The following ST3GAL3 variants were observed in gnomAD, a reference collection of about 807,000 sequenced individuals.
The protein encoded by ST3GAL3 is CMP-N-acetylneuraminate-beta-1,4-galactoside alpha-2,3-sialyltransferase.
Under a neutral mutation model 50.1 loss-of-function variants are expected in ST3GAL3, and 21 were observed. That is an observed-to-expected ratio of 0.42 (90% CI 0.30 to 0.60). The LOEUF (loss-of-function observed/expected upper bound fraction) is 0.60, where lower values mean the gene tolerates loss of function less well. ST3GAL3 is among the 20% of genes least tolerant of loss of function. The probability of loss-of-function intolerance (pLI) is 0.19; values close to 1 mark genes in which losing one functional copy is unlikely to be tolerated. For synonymous variants in ST3GAL3, 183 were observed against 190.0 expected, an observed-to-expected ratio of 0.96 and a Z score of 0.30; for missense variants, 353 against 489.4, an observed-to-expected ratio of 0.72 and a Z score of 2.63.
At chr1:43,800,846 G>A (rs907506713) in intron 3 of ST3GAL3, among the ~76,000 whole-genome samples, 1 of 152,124 alleles carries the variant, frequency 6.6e-6, no homozygotes, top group African/African-American at 2.4e-5. Flanking sequence ...CTCCACCCAA[G>A]CCATGGCATA....
At chr1:43,810,007 AAAG>A (rs1432440280) in intron 3 of ST3GAL3, among the ~76,000 whole-genome samples, 5 of 151,074 alleles carry the variant, frequency 3.3e-5, no homozygotes, top group African/African-American at 1.2e-4. Context: ...AAAAAAAAAA[AAAG>A]AAAGAAAGAA....
intron 1 of ST3GAL3, among the ~76,000 whole-genome samples, chr1:43,731,154 C>T (rs1012511299): frequency 6.6e-6 from 1 of 151,954 alleles, no homozygotes; most frequent in African/African-American, 2.4e-5. Flanking sequence ...CTTAGCCTCC[C>T]AATTGGTTGG....
intron 3 of ST3GAL3, among the ~76,000 whole-genome samples, chr1:43,804,789 C>T (rs780321440): frequency 2.0e-5 from 3 of 152,146 alleles, no homozygotes; most frequent in Non-Finnish European, 4.4e-5. Context: ...GCAAGGGAAT[C>T]ACTGCAGTCG....
chr1:43,850,792 T>G lies in ST3GAL3; in HGVS notation c.302+12481T>G, dbSNP rs539924550. ...TGATAAACTTCAAATTCCAGAGTCA[T>G]AGCTTGCTTCAGGGCCACAGCAACC... On this transcript the variant is annotated intron_variant, in intron 5 of 11. Coordinates refer to ENST00000347631, the MANE Select transcript of ST3GAL3 (RefSeq NM_006279.5). 2.3e-5 allele frequency: 21 copies of G among 904,100 alleles called. 1 individual carries two copies. The highest frequency in any genetic ancestry group is 3.7e-5 in the Non-Finnish European group (20 of 536,428). The allele number at this position is 904,100 out of a possible 1,614,324, so 56.0% of individuals were successfully genotyped here. A position where few individuals can be genotyped will look rare whatever the true frequency, so the allele number is the denominator to read the frequency against.
chr1:43,800,547 C>G (rs115609841), intron 3 of ST3GAL3, among the ~76,000 whole-genome samples: 45 of 152,294 alleles, frequency 3.0e-4, no homozygotes, highest in African/African-American at 1.0e-3. Context: ...TTTCTTGTTT[C>G]CTCTGAGAGT....
At chr1:43,838,334 A>T (rs756620111) in intron 5 of ST3GAL3, 23 bp downstream of exon 5, 18 of 1,605,150 alleles carry the variant, frequency 1.1e-5, no homozygotes, top group East Asian at 1.1e-4. Context: ...GTTTCCCTCC[A>T]CTGCCTAGAC....
At chr1:43,913,344 A>G (rs2081257818) in intron 9 of ST3GAL3, 1 of 152,142 alleles carries the variant, frequency 6.6e-6, no homozygotes, top group African/African-American at 2.4e-5. Context: ...TCTAATCCTT[A>G]CAGCTATCTG....
rs757607061 is a variant in ST3GAL3 at position 43,920,396 on chromosome 1, G to T, written c.745-8G>T. ...CCTCGTTGAGGCCCGCTTTTGCTGT[G>T]TCCACAGAGTGCATCGGATGGCTTC... On this transcript the variant is annotated splice_region_variant and splice_polypyrimidine_tract_variant and intron_variant, in intron 9 of 11. Coordinates refer to ENST00000347631, the MANE Select transcript of ST3GAL3 (RefSeq NM_006279.5). 6.2e-7 allele frequency: 1 copy of T among 1,614,072 alleles called. No homozygotes were observed. Among genetic ancestry groups the T allele is most frequent in the Non-Finnish European group, 8.5e-7 (1 of 1,180,030 alleles).
intron 5 of ST3GAL3, among the ~76,000 whole-genome samples, chr1:43,887,536 G>C (rs2076151736): frequency 6.6e-6 from 1 of 152,212 alleles, no homozygotes; most frequent in Admixed American, 6.5e-5. Context: ...AAGAGTTTCA[G>C]AATGTGGCTG....
At chr1:43,830,687 C>T (rs1277592118) in intron 4 of ST3GAL3, among the ~76,000 whole-genome samples, 2 of 152,214 alleles carry the variant, frequency 1.3e-5, no homozygotes, top group Non-Finnish European at 2.9e-5. Context: ...AGCCCTTCCA[C>T]TGGGCTCACA....
chr1:43,904,429 C>T (rs1433239950), intron 9 of ST3GAL3, among the ~76,000 whole-genome samples: 5 of 152,016 alleles, frequency 3.3e-5, no homozygotes, highest in South Asian at 2.1e-4. Flanking sequence ...ACCAGCTCTT[C>T]GAGGATTCTC....
chr1:43,717,532 T>C (rs1424133297), intron 1 of ST3GAL3, among the ~76,000 whole-genome samples: 1 of 151,304 alleles, frequency 6.6e-6, no homozygotes, highest in African/African-American at 2.4e-5. Context: ...GGGGCCTTGC[T>C]CTGTTGCTTA....
intron 1 of ST3GAL3, chr1:43,709,342 T>A (rs771257944): frequency 1.1e-4 from 16 of 152,344 alleles, no homozygotes; most frequent in Non-Finnish European, 2.1e-4. Flanking sequence ...AAGCTGTAGC[T>A]AACTATCAGG....
intron 5 of ST3GAL3, among the ~76,000 whole-genome samples, chr1:43,862,501 A>G (rs1160736989): frequency 6.6e-6 from 1 of 152,078 alleles, no homozygotes; most frequent in Non-Finnish European, 1.5e-5. Flanking sequence ...GGGGAGGGAA[A>G]TGGAAGCGGC....
chr1:43,821,395 GT>G (rs1467926185), intron 4 of ST3GAL3, among the ~76,000 whole-genome samples: 2 of 152,036 alleles, frequency 1.3e-5, no homozygotes, highest in Non-Finnish European at 2.9e-5. Flanking sequence ...TAAAAATGGC[GT>G]TTTCCCGAGA....
Position 43,858,341 on chromosome 1 carries a change from G to A in ST3GAL3, c.302+20030G>A, listed in dbSNP as rs913541573. ...TTCGGCAGCAAGACCAGACACACTG[G>A]TGGGGGCAGCTTCCTCCTTTGCAGA... On this transcript the variant is annotated intron_variant, in intron 5 of 11. Transcript: ENST00000347631. 6 of 1,242,962 alleles carry A rather than the reference G, an allele frequency of 4.8e-6. No individual in the cohort carries two copies. In the African/African-American group the frequency reaches 7.7e-5, roughly 16 times the overall value. 77.0% of individuals were successfully genotyped at this position (1,242,962 alleles called of 1,614,324 possible).
At chr1:43,897,500 C>G in intron 6 of ST3GAL3, among the ~76,000 whole-genome samples, 1 of 152,174 alleles carries the variant, frequency 6.6e-6, no homozygotes, top group Non-Finnish European at 1.5e-5. Context: ...TTATAGTGCT[C>G]TCATGATACC....
rs562318891 is a variant in ST3GAL3, at chr1:43,800,900, T to C, written c.166+8751T>C. ...TACCCCATGACTTTTTTTTAGAGAT[T>C]GTACAGTGACATTTCTTAAGAAATG... On this transcript the variant is annotated intron_variant, in intron 3 of 11. Transcript: ENST00000347631. 2.0e-5 allele frequency among the ~76,000 whole-genome samples: 3 copies of C among 152,302 alleles called. No homozygotes were observed. The East Asian group carries it at 5.8e-4, about 29-fold the overall frequency.
Position 43,814,894 on chromosome 1 carries a change from A to G in ST3GAL3, c.170A>G (p.Tyr57Cys). 6.2e-7 allele frequency: 1 copy of G among 1,614,102 alleles called. No individual in the cohort carries two copies. The highest frequency in any genetic ancestry group is 1.1e-5 in the South Asian group (1 of 91,080). The stretch of plus-strand genomic sequence containing the variant: ...ATTTTCTGCTTTTCTTTTTCAGAGT[A>G]TGATCGGTTGGGCTTCCTCCTGAAT... ...DSAGQTLGSE[Y>C]DRLGFLLNLD... Residue 57 changes from tyrosine (Y) to cysteine (C), a missense_variant, in exon 4 of 12, where the codon TAT becomes TGT. By Grantham distance (194) the Tyr-to-Cys change is radical. Transcript: ENST00000347631.
Sources: allele counts gnomAD v4.1 joint callset (sites outside exome capture counted in the v4.1 genomes callset), GRCh38; gene constraint gnomAD v4.1.1; transcripts MANE v1.5; gene names NCBI Gene and HGNC (gene_info 2026-07-23, HGNC 2026-07-21).